Variants in ADGRL3 observed in about 807,000 individuals in gnomAD.
The protein encoded by ADGRL3 is calcium-independent alpha-latrotoxin receptor 3.
Under a neutral mutation model 153.5 loss-of-function variants are expected in ADGRL3, and 62 were observed. That is an observed-to-expected ratio of 0.40 (90% CI 0.33 to 0.50). The LOEUF (loss-of-function observed/expected upper bound fraction) is 0.50. Ranked by LOEUF, ADGRL3 falls within the 20% of genes least tolerant of loss-of-function variation. The pLI is 0.47. For missense variants in ADGRL3, 1,641 were observed against 1,859.4 expected (o/e 0.88, Z 2.16); for synonymous variants, 710 against 672.5 (o/e 1.06, Z -0.86).
At chr4:61,485,349 TC>T (rs1364697657) in intron 2 of ADGRL3, among the ~76,000 whole-genome samples, 1 of 152,232 alleles carries the variant, frequency 6.6e-6, no homozygotes, top group Non-Finnish European at 1.5e-5. Context: ...TATACAGATA[TC>T]CTTTTTATGT....
intron 5 of ADGRL3, among the ~76,000 whole-genome samples, chr4:61,631,284 G>GA (rs1193337085): frequency 6.6e-6 from 1 of 151,976 alleles, no homozygotes; most frequent in Non-Finnish European, 1.5e-5. Context: ...GAATGTTCTG[G>GA]AAAAAAATAA....
At chr4:61,454,178 TC>T (rs1298076460) in intron 2 of ADGRL3, among the ~76,000 whole-genome samples, 5 of 152,112 alleles carry the variant, frequency 3.3e-5, no homozygotes, top group African/African-American at 4.8e-5. Context: ...GAAGTAGTTT[TC>T]CTGCAACACT....
intron 1 of ADGRL3, among the ~76,000 whole-genome samples, chr4:61,280,743 GC>G (rs2093691126): frequency 6.6e-6 from 1 of 152,070 alleles, no homozygotes; most frequent in Admixed American, 6.6e-5. Flanking sequence ...ATGTAAGGAT[GC>G]ATATTTTAAT....
chr4:61,742,996 T>C (rs1248878795), intron 8 of ADGRL3, among the ~76,000 whole-genome samples: 1 of 148,190 alleles, frequency 6.7e-6, no homozygotes, highest in Non-Finnish European at 1.5e-5. Context: ...TATTTTAGCC[T>C]TAAATTTTTT....
chr4:61,824,061 C>CA (rs11368286), intron 9 of ADGRL3, among the ~76,000 whole-genome samples: 182 of 150,014 alleles, frequency 1.2e-3, no homozygotes, highest in African/African-American at 4.3e-3. Flanking sequence ...GAATCCGTCT[C>CA]AAAAAAAAAA....
At chr4:61,998,866 C>T (rs535573541) in intron 21 of ADGRL3, among the ~76,000 whole-genome samples, 42 of 152,052 alleles carry the variant, frequency 2.8e-4, no homozygotes, top group Non-Finnish European at 5.3e-4. Context: ...CACGAGCCAC[C>T]GCACCTGGCC....
intron 1 of ADGRL3, among the ~76,000 whole-genome samples, chr4:61,354,921 T>C (rs1243180100): frequency 6.6e-6 from 1 of 152,092 alleles, no homozygotes; most frequent in Non-Finnish European, 1.5e-5. Flanking sequence ...AACAGGTCAG[T>C]CTCTGGTTTC....
intron 2 of ADGRL3, among the ~76,000 whole-genome samples, chr4:61,397,346 C>T (rs987172840): frequency 6.6e-6 from 1 of 151,868 alleles, no homozygotes; most frequent in Non-Finnish European, 1.5e-5. Flanking sequence ...ACAGATGTGA[C>T]TGAAGCTGAG....
At chr4:61,518,637 G>A (rs971051313) in intron 4 of ADGRL3, among the ~76,000 whole-genome samples, 1 of 152,154 alleles carries the variant, frequency 6.6e-6, no homozygotes, top group South Asian at 2.1e-4. Context: ...TGCATTCACC[G>A]TAGCTCTGTC....
At chr4:61,841,674 A>T (rs969301344) in intron 9 of ADGRL3, among the ~76,000 whole-genome samples, 6 of 151,980 alleles carry the variant, frequency 3.9e-5, no homozygotes, top group East Asian at 3.9e-4. Context: ...TGTAGAATGA[A>T]TTTTTTTTTG....
intron 8 of ADGRL3, among the ~76,000 whole-genome samples, chr4:61,773,089 T>C (rs147720264): frequency 7.2e-5 from 11 of 152,304 alleles, no homozygotes; most frequent in African/African-American, 2.4e-4. Context: ...TCGATCATAC[T>C]GAACTGTTCT....
rs1553925198 is a variant in ADGRL3, at chr4:61,420,789, C to CATA, written c.-174+37601_-174+37602insTAA. ...GAGTACCTAAGGTCATACCCAAGGTCAAAAAAAAAAAAAAAAAAGTCTACT... is the reference window on the plus strand; with the variant it reads ...GAGTACCTAAGGTCATACCCAAGGTCATAAAAAAAAAAAAAAAAAAAGTCTACT... On this transcript the variant is annotated intron_variant, in intron 2 of 26. Coordinates refer to ENST00000683033, the MANE Select transcript of ADGRL3 (RefSeq NM_001387552.1). 6 of 112,612 alleles carry CATA rather than the reference C, an allele frequency of 5.3e-5. 1 individual carries two copies. The Admixed American group carries it at 5.7e-4, about 11-fold the overall frequency. 7.0% of individuals were successfully genotyped at this position (112,612 alleles called of 1,614,324 possible).
intron 1 of ADGRL3, among the ~76,000 whole-genome samples, chr4:61,380,840 C>G (rs558114743): frequency 1.3e-5 from 2 of 151,958 alleles, no homozygotes; most frequent in Non-Finnish European, 2.9e-5. Context: ...TTTAAAAGAT[C>G]CCTTTTAGAT....
chr4:61,514,022 G>A (rs2098478035), intron 3 of ADGRL3, among the ~76,000 whole-genome samples: 1 of 152,132 alleles, frequency 6.6e-6, no homozygotes. Context: ...TAATTTGAAA[G>A]AATCCTTTCT....
intron 1 of ADGRL3, among the ~76,000 whole-genome samples, chr4:61,329,835 G>T (rs2095536516): frequency 6.6e-6 from 1 of 152,096 alleles, no homozygotes; most frequent in South Asian, 2.1e-4. Context: ...AAAGATTATT[G>T]TCAGAAAAGA....
chr4:61,497,857 G>C (rs1004408645), intron 3 of ADGRL3, among the ~76,000 whole-genome samples: 1 of 151,952 alleles, frequency 6.6e-6, no homozygotes, highest in Non-Finnish European at 1.5e-5. Flanking sequence ...ATAGTTATGA[G>C]TTTCCAGTTG....
At chr4:61,959,156 T>G (rs1322217017) in intron 17 of ADGRL3, among the ~76,000 whole-genome samples, 2 of 152,228 alleles carry the variant, frequency 1.3e-5, no homozygotes, top group African/African-American at 4.8e-5. Context: ...TGTTCATCTC[T>G]TAGTACTAAT....
intron 9 of ADGRL3, among the ~76,000 whole-genome samples, chr4:61,820,121 G>A (rs2097734195): frequency 6.6e-6 from 1 of 152,092 alleles, no homozygotes; most frequent in African/African-American, 2.4e-5. Flanking sequence ...TTTGAATTAT[G>A]TTCAACCTGC....
intron 17 of ADGRL3, among the ~76,000 whole-genome samples, chr4:61,956,406 G>T (rs1460485617): frequency 2.0e-5 from 3 of 151,936 alleles, no homozygotes; most frequent in African/African-American, 7.2e-5. Context: ...TTGTAAATTT[G>T]TTTAAGTTTC....
Sources: gnomAD v4.1 joint callset for allele counts (sites outside exome capture counted in the v4.1 genomes callset) on GRCh38, gnomAD v4.1.1 for gene constraint, MANE v1.5 for transcripts, NCBI Gene and HGNC (gene_info 2026-07-23, HGNC 2026-07-21) for gene names.